CADM2: variants seen among roughly 807,000 people sequenced by gnomAD.
CADM2 encodes the protein cell adhesion molecule 2, also known as immunoglobulin superfamily member 4D.
A neutral mutation model predicts 49.8 loss-of-function variants in CADM2; 12 were observed. The ratio of observed to expected loss-of-function variants is 0.24; its 90% confidence interval spans 0.15 to 0.39. The LOEUF is 0.39. CADM2 is among the 10% of genes least tolerant of loss of function. The pLI is 1.00. For synonymous variants in CADM2, 214 were observed against 175.4 expected (o/e 1.22, Z -1.74); for missense variants, 378 against 492.3 (o/e 0.77, Z 2.20).
At chr3:85,536,368 T>A (rs2061422339) in intron 1 of CADM2, among the ~76,000 whole-genome samples, 1 of 151,160 alleles carries the variant, frequency 6.6e-6, no homozygotes, top group East Asian at 1.9e-4. Context: ...TGATCATATC[T>A]GAGGAGCTAA....
At chr3:85,152,435 C>T (rs1252993200) in intron 1 of CADM2, among the ~76,000 whole-genome samples, 6 of 152,130 alleles carry the variant, frequency 3.9e-5, no homozygotes, top group East Asian at 3.9e-4. Flanking sequence ...CTGACTGAGA[C>T]GATTTCATTT....
At chr3:85,437,475 A>C (rs2036985456) in intron 1 of CADM2, among the ~76,000 whole-genome samples, 1 of 152,092 alleles carries the variant, frequency 6.6e-6, no homozygotes. Context: ...TCAGCATTGA[A>C]TGAGTGTTCC....
chr3:85,552,366 G>GTTTTTT (rs36014885), intron 1 of CADM2, among the ~76,000 whole-genome samples: 4 of 87,588 alleles, frequency 4.6e-5, no homozygotes, highest in Admixed American at 1.4e-4. Flanking sequence ...ACTTTGAAAA[G>GTTTTTT]TTTTTTTTTT....
chr3:84,962,421 G>T (rs1350171850), intron 1 of CADM2, among the ~76,000 whole-genome samples: 1 of 133,910 alleles, frequency 7.5e-6, no homozygotes, highest in Non-Finnish European at 1.6e-5. Context: ...TGCTCAAATT[G>T]CTCATGCCTT....
chr3:86,055,469 T>TTTG (rs1737821868), intron 8 of CADM2, among the ~76,000 whole-genome samples: 3 of 130,246 alleles, frequency 2.3e-5, no homozygotes, highest in Admixed American at 1.6e-4. Context: ...TTTTTTTTTT[T>TTTG]TTTTTTTTTT....
intron 6 of CADM2, among the ~76,000 whole-genome samples, chr3:85,918,467 C>T (rs1718675655): frequency 6.6e-6 from 1 of 151,998 alleles, no homozygotes; most frequent in African/African-American, 2.4e-5. Context: ...TATTGATTTT[C>T]GTATGTTGGA....
chr3:85,660,419 T>C (rs1026375625), intron 1 of CADM2, among the ~76,000 whole-genome samples: 2 of 149,740 alleles, frequency 1.3e-5, no homozygotes, highest in Non-Finnish European at 3.0e-5. Flanking sequence ...CAAAGGAATT[T>C]ATTAGGCTTT....
At chr3:85,466,669 C>A (rs559144615) in intron 1 of CADM2, among the ~76,000 whole-genome samples, 26 of 151,672 alleles carry the variant, frequency 1.7e-4, no homozygotes, top group African/African-American at 6.3e-4. Context: ...CATATTTAGG[C>A]AAAGATACGT....
intron 2 of CADM2, chr3:85,800,043 C>T (rs944913816): frequency 6.6e-6 from 1 of 152,260 alleles, no homozygotes; most frequent in African/African-American, 2.4e-5. Context: ...TCTATAAGCC[C>T]CTGACTACGG....
In CADM2 at chr3:85,752,486, A is replaced by ACACG. The variant is rs779472988; in HGVS notation, c.88+25941_88+25942insGCAC. Among the ~76,000 whole-genome samples, 756 of 151,828 alleles carry ACACG rather than the reference A, an allele frequency of 5.0e-3. 6 individuals carry two copies. Among genetic ancestry groups the ACACG allele is most frequent in the Admixed American group, 6.6e-3 (101 of 15,236 alleles). ...TATGTGTGCGTGCACACACACACAC[A>ACACG]CACACACACACACACTAAGTTGACT... On this transcript the variant is annotated intron_variant, in intron 2 of 9. Transcript: ENST00000383699.
At chr3:85,289,296 T>C (rs533714816) in intron 1 of CADM2, among the ~76,000 whole-genome samples, 207 of 152,306 alleles carry the variant, frequency 1.4e-3, no homozygotes, top group African/African-American at 4.9e-3. Context: ...CTTTTAATAC[T>C]ACCAAATCTC....
At chr3:85,032,409 C>T (rs773593857) in intron 1 of CADM2, among the ~76,000 whole-genome samples, 9 of 151,822 alleles carry the variant, frequency 5.9e-5, no homozygotes, top group African/African-American at 9.7e-5. Flanking sequence ...CATGTGGGGA[C>T]GCTCAGAATC....
At chr3:85,733,898 G>T (rs924372137) in intron 2 of CADM2, among the ~76,000 whole-genome samples, 2 of 152,208 alleles carry the variant, frequency 1.3e-5, no homozygotes, top group Admixed American at 1.3e-4. Flanking sequence ...TACAGCTTCT[G>T]TGTGGGGGTT....
At chr3:85,883,110 T>A (rs1279689397) in intron 3 of CADM2, among the ~76,000 whole-genome samples, 181 bp from the exon 4 acceptor site, 1 of 152,228 alleles carries the variant, frequency 6.6e-6, no homozygotes, top group Non-Finnish European at 1.5e-5. Flanking sequence ...CTACTTTGAT[T>A]TTTAAAAATC....
At chr3:86,026,765 T>C (rs1022010901) in intron 8 of CADM2, among the ~76,000 whole-genome samples, 7 of 152,338 alleles carry the variant, frequency 4.6e-5, no homozygotes, top group African/African-American at 1.7e-4. Flanking sequence ...TTGCTCTTGG[T>C]CTATCAGATC....
intron 5 of CADM2, among the ~76,000 whole-genome samples, chr3:85,906,055 C>T (rs951132411): frequency 5.9e-5 from 9 of 152,252 alleles, no homozygotes; most frequent in African/African-American, 2.2e-4. Context: ...AGAAGTCACA[C>T]TTGCCTGCTG....
chr3:85,351,639 G>T (rs2031362428), intron 1 of CADM2, among the ~76,000 whole-genome samples: 1 of 152,108 alleles, frequency 6.6e-6, no homozygotes, highest in Non-Finnish European at 1.5e-5. Flanking sequence ...TACTGCACAG[G>T]CTGAGGGAAT....
rs17022729 is a variant in CADM2 at position 85,383,617 on chromosome 3, T to A, written c.62-342905T>A. ...TAACCATTTCATTCAATTATCCTCA[T>A]TTTTCTCTCCATTGGAATTCTCATT... On this transcript the variant is annotated intron_variant, in intron 1 of 9. Transcript: ENST00000383699. Among the ~76,000 whole-genome samples, 1,090 of 149,190 alleles carry A rather than the reference T, an allele frequency of 7.3e-3. 10 individuals carry two copies. The highest frequency in any genetic ancestry group is 0.024 in the African/African-American group (978 of 40,994).
intron 8 of CADM2, among the ~76,000 whole-genome samples, chr3:85,962,215 G>T (rs555360919): frequency 2.6e-5 from 4 of 151,992 alleles, no homozygotes; most frequent in African/African-American, 9.6e-5. Context: ...CATCACACCC[G>T]GCTGATTGTC....
Sources: allele counts gnomAD v4.1 joint callset (sites outside exome capture counted in the v4.1 genomes callset), GRCh38; gene constraint gnomAD v4.1.1; transcripts MANE v1.5; gene names NCBI Gene and HGNC (gene_info 2026-07-23, HGNC 2026-07-21).